The following PCNX1 variants were observed in gnomAD, a reference collection of about 807,000 sequenced individuals.
PCNX1 encodes the protein pecanex 1, also known as pecanex-like protein 1.
A neutral mutation model predicts 242.2 loss-of-function variants in PCNX1; 78 were observed. The ratio of observed to expected loss-of-function variants is 0.32; its 90% confidence interval spans 0.27 to 0.39. PCNX1 has a LOEUF of 0.39. Ranked by LOEUF, PCNX1 falls within the 10% of genes least tolerant of loss-of-function variation. PCNX1 has a pLI of 1.00. For synonymous variants in PCNX1, 1,024 were observed against 1,032.9 expected, an observed-to-expected ratio of 0.99 and a Z score of 0.17; for missense variants, 2,581 against 2,856.5, an observed-to-expected ratio of 0.90 and a Z score of 2.20.
At chr14:71,073,402 TAATG>T (rs538689509) in intron 26 of PCNX1, 139 bp from the exon 27 acceptor site, 94 of 773,434 alleles carry the variant, frequency 1.2e-4, no homozygotes, top group Non-Finnish European at 1.8e-4. Context: ...TACAATTTGT[TAATG>T]AATATTCTAA....
chr14:71,076,528 G>C, intron 28 of PCNX1, 109 bp downstream of exon 28: 1 of 686,892 alleles, frequency 1.5e-6, no homozygotes, highest in South Asian at 1.8e-5. Flanking sequence ...TCCTCTTTCT[G>C]ATCTTCTGGT....
intron 8 of PCNX1, among the ~76,000 whole-genome samples, chr14:71,009,009 C>T (rs922879881): frequency 8.6e-5 from 13 of 151,996 alleles, no homozygotes; most frequent in African/African-American, 2.9e-4. Flanking sequence ...ATTTCTAAAC[C>T]TTTTATCAGT....
At chr14:70,954,128 A>G (rs1461407704) in intron 2 of PCNX1, among the ~76,000 whole-genome samples, 1 of 152,072 alleles carries the variant, frequency 6.6e-6, no homozygotes, top group East Asian at 1.9e-4. Context: ...TTTTTTCTTT[A>G]TGAATCTCTG....
At chr14:70,967,938 T>TG (rs1190672152) in intron 3 of PCNX1, among the ~76,000 whole-genome samples, 3 of 152,216 alleles carry the variant, frequency 2.0e-5, no homozygotes, top group East Asian at 3.9e-4. Flanking sequence ...GATCTGGCTC[T>TG]GGGGGGGCTC....
At chr14:71,109,342 T>A in intron 34 of PCNX1, 110 bp from the exon 35 acceptor site, 1 of 1,011,180 alleles carries the variant, frequency 9.9e-7, no homozygotes, top group Non-Finnish European at 1.4e-6. Context: ...TATTCCATTA[T>A]AGGAATTTAA....
intron 33 of PCNX1, 144 bp from the exon 34 acceptor site, chr14:71,108,460 A>C: frequency 1.8e-6 from 1 of 561,980 alleles, no homozygotes; most frequent in Non-Finnish European, 3.1e-6. Context: ...CTTTTTCTTA[A>C]CTTTAAAAGT....
chr14:71,060,217 G>A (rs2061291114), intron 26 of PCNX1, among the ~76,000 whole-genome samples: 1 of 152,110 alleles, frequency 6.6e-6, no homozygotes, highest in African/African-American at 2.4e-5. Context: ...CATTACTTGT[G>A]TTTATGGTGA....
At position 71,073,599 on chromosome 14, in the gene PCNX1, A is replaced by G. The variant is rs1417102233; in HGVS notation, c.4907A>G (p.Asp1636Gly). Residue 1636 changes from aspartate (D) to glycine (G), a missense_variant, in exon 27 of 36, where the codon GAT (aspartate) becomes GGT (glycine). Around this residue, in one of 9 missense-constraint regions of PCNX1, gnomAD observed 298 missense variants for 480.1 expected, o/e 0.62. Transcript: ENST00000304743. ...VEAITEGVEE[D>G]EGFCCCEPGH... is the part of the protein sequence containing the mutation. ...GCCATTACTGAAGGTGTAGAGGAAG[A>G]TGAAGGATTTTGCTGTTGTGAACCT... is the stretch of plus-strand genomic sequence containing the variant. The G allele has an allele frequency of 2.5e-6, 4 of 1,613,866 alleles. No individual in the cohort carries two copies. The highest frequency in any genetic ancestry group is 3.4e-6 in the Non-Finnish European group (4 of 1,179,876).
chr14:70,975,755 A>G (rs1016984407), intron 5 of PCNX1, among the ~76,000 whole-genome samples: 1 of 152,034 alleles, frequency 6.6e-6, no homozygotes, highest in Non-Finnish European at 1.5e-5. Flanking sequence ...ATAAATTACA[A>G]TGTAGGTAGG....
chr14:71,104,892 C>G (rs2062567975), intron 32 of PCNX1, among the ~76,000 whole-genome samples: 1 of 151,920 alleles, frequency 6.6e-6, no homozygotes, highest in Non-Finnish European at 1.5e-5. Flanking sequence ...TGCCACTGCA[C>G]TCCAGCCTGG....
chr14:70,926,814 T>C (rs965569236), intron 1 of PCNX1, among the ~76,000 whole-genome samples: 2 of 152,120 alleles, frequency 1.3e-5, no homozygotes, highest in African/African-American at 2.4e-5. Context: ...CACAAACAAG[T>C]GTGCAGTGTA....
intron 28 of PCNX1, among the ~76,000 whole-genome samples, chr14:71,084,773 C>T (rs986553255): frequency 4.6e-5 from 7 of 152,232 alleles, no homozygotes; most frequent in African/African-American, 1.7e-4. Flanking sequence ...TAGATCTTAG[C>T]TTGCTGGGCT....
At chr14:71,073,246 T>C (rs1453323764) in intron 26 of PCNX1, among the ~76,000 whole-genome samples, 1 of 152,172 alleles carries the variant, frequency 6.6e-6, no homozygotes, top group African/African-American at 2.4e-5. Flanking sequence ...TGCAGTGGGC[T>C]GAGATCACGC....
intron 1 of PCNX1, 137 bp downstream of exon 1, chr14:70,908,140 C>G (rs2055649794): frequency 1.4e-6 from 1 of 736,178 alleles, no homozygotes; most frequent in Non-Finnish European, 2.0e-6. Flanking sequence ...CTCCCCGCCC[C>G]CACTGCGTGC....
chr14:71,088,862 A>G (rs1056789862), intron 29 of PCNX1, among the ~76,000 whole-genome samples: 2 of 152,208 alleles, frequency 1.3e-5, no homozygotes, highest in African/African-American at 4.8e-5. Flanking sequence ...CATCCAAATG[A>G]ATCAGAATTA....
intron 30 of PCNX1, 101 bp downstream of exon 30, chr14:71,089,443 C>G (rs1434523460): frequency 6.0e-6 from 5 of 830,470 alleles, no homozygotes; most frequent in Admixed American, 2.5e-5. Flanking sequence ...AAGGAATACC[C>G]GAGACTGGGT....
chr14:71,043,618 T>C (rs967278229), intron 19 of PCNX1, among the ~76,000 whole-genome samples: 1 of 152,216 alleles, frequency 6.6e-6, no homozygotes, highest in African/African-American at 2.4e-5. Context: ...GTTGAAGTTC[T>C]TGCTTATATT....
intron 18 of PCNX1, among the ~76,000 whole-genome samples, chr14:71,034,885 A>C (rs925801672): frequency 6.6e-6 from 1 of 152,248 alleles, no homozygotes; most frequent in Non-Finnish European, 1.5e-5. Context: ...GCTTATAAGC[A>C]TAAATCTAAG....
chr14:71,103,520 C>T lies in PCNX1; in HGVS notation c.5946C>T (p.Asn1982=), dbSNP rs754084107. 3.7e-6 allele frequency: 6 copies of T among 1,614,064 alleles called. No individual in the cohort carries two copies. The African/African-American group carries it at 8.0e-5, about 22-fold the overall frequency. Residue 1982 remains asparagine, a synonymous_variant, in exon 32 of 36, where the codon AAC becomes AAT. Coordinates refer to ENST00000304743, the MANE Select transcript of PCNX1 (RefSeq NM_014982.3). The part of the protein sequence containing the change: ...NAKQALRNMI[N]SSCDQPIGYP... The stretch of plus-strand genomic sequence containing the variant: ...AGCAAGCCCTGAGAAACATGATAAA[C>T]TCATCTTGTGATCAACCTATTGGCT...
Sources: gnomAD v4.1 joint callset for allele counts (sites outside exome capture counted in the v4.1 genomes callset) on GRCh38, gnomAD v4.1.1 for gene constraint, gnomAD v4.1.1 regional missense constraint, MANE v1.5 for transcripts, NCBI Gene and HGNC (gene_info 2026-07-23, HGNC 2026-07-21) for gene names.